The following CECR2 variants were observed in gnomAD, a reference collection of about 807,000 sequenced individuals.
CECR2 encodes chromatin remodeling regulator CECR2.
CECR2 carries 30 observed loss-of-function variants against 154.5 expected under a neutral mutation model. The observed-to-expected ratio is 0.19, with a 90% CI of 0.15 to 0.26. The LOEUF is 0.26. CECR2 is among the 10% of genes least tolerant of loss of function. The pLI is 1.00. For missense variants in CECR2, 1,743 were observed against 1,829.3 expected, an observed-to-expected ratio of 0.95 and a Z score of 0.86; for synonymous variants, 725 against 683.7, an observed-to-expected ratio of 1.06 and a Z score of -0.94.
At position 17,541,832 on chromosome 22, in the gene CECR2, G is replaced by A. The variant is rs1255424681; in HGVS notation, c.1885-7G>A. ...TTCCTCTTCTTGCTTTGTTCAATGT[G>A]CTGCAGAGGCCAGCAGTACCAGGAA... On this transcript the variant is annotated splice_region_variant and splice_polypyrimidine_tract_variant and intron_variant, in intron 14 of 18. Transcript: ENST00000262608. 6.2e-7 allele frequency: 1 copy of A among 1,609,800 alleles called. No individual in the cohort carries two copies. Among genetic ancestry groups the A allele is most frequent in the Non-Finnish European group, 8.5e-7 (1 of 1,177,884 alleles).
chr22:17,426,929 AT>A (rs60164925), intron 1 of CECR2, among the ~76,000 whole-genome samples: 10,170 of 151,922 alleles, frequency 0.067, 933 homozygotes, highest in East Asian at 0.36. Context: ...GGTTTGTTAT[AT>A]AGGTATACAT....
rs1029218990 is a variant in CECR2 at position 17,362,717 on chromosome 22, G to A, written c.-364+2694G>A. Reference sequence around the variant, plus strand: ...AGGAGTTCAAGACCAGCCTGGCCAAGATGGTGAAACCCTGTCTCTATGAAA... The same window carrying A: ...AGGAGTTCAAGACCAGCCTGGCCAAAATGGTGAAACCCTGTCTCTATGAAA... On this transcript the variant is annotated intron_variant, in intron 1 of 18. Coordinates refer to the CECR2 transcript ENST00000400585. Among the ~76,000 whole-genome samples, 3 of 151,762 alleles carry A rather than the reference G, an allele frequency of 2.0e-5. No individual in the cohort carries two copies. In the Admixed American group the frequency reaches 2.0e-4, roughly 10 times the overall value.
intron 7 of CECR2, among the ~76,000 whole-genome samples, chr22:17,510,393 C>A (rs534072973): frequency 6.6e-6 from 1 of 151,962 alleles, no homozygotes; most frequent in African/African-American, 2.4e-5. Flanking sequence ...TTGTTTGAGG[C>A]CAGTAGTTTG....
chr22:17,541,829 T>C lies in CECR2; in HGVS notation c.1885-10T>C, dbSNP rs2056527400. Reference sequence around the variant, plus strand: ...TTTTTCCTCTTCTTGCTTTGTTCAATGTGCTGCAGAGGCCAGCAGTACCAG... The same window carrying C: ...TTTTTCCTCTTCTTGCTTTGTTCAACGTGCTGCAGAGGCCAGCAGTACCAG... On this transcript the variant is annotated splice_polypyrimidine_tract_variant and intron_variant, in intron 14 of 18. Transcript: ENST00000262608. The C allele has an allele frequency of 6.2e-7, 1 of 1,605,094 alleles. No homozygotes were observed. The highest frequency in any genetic ancestry group is 1.3e-5 in the African/African-American group (1 of 74,612).
At position 17,489,099 on chromosome 22, in the gene CECR2, T is replaced by A. The variant is rs150476667; in HGVS notation, c.222-8304T>A. 2.7e-3 allele frequency among the ~76,000 whole-genome samples: 402 copies of A among 149,902 alleles called. 4 individuals carry two copies. Among genetic ancestry groups the A allele is most frequent in the African/African-American group, 9.5e-3 (383 of 40,448 alleles). On this transcript the variant is annotated intron_variant, in intron 2 of 18. Coordinates refer to ENST00000262608, the MANE Select transcript of CECR2 (RefSeq NM_001290047.2). ...GCTGGGATTACAGGCATGCGCCAGC[T>A]AATTTTTTGTATTTAGTAGAGACGG...
intron 16 of CECR2, among the ~76,000 whole-genome samples, chr22:17,543,911 C>A (rs1027224661): frequency 5.3e-5 from 8 of 152,154 alleles, no homozygotes; most frequent in African/African-American, 1.9e-4. Context: ...GCTACTGTTA[C>A]TATCCTTGTT....
intron 1 of CECR2, among the ~76,000 whole-genome samples, chr22:17,450,781 C>T (rs2054756426): frequency 6.6e-6 from 1 of 152,216 alleles, no homozygotes; most frequent in South Asian, 2.1e-4. Flanking sequence ...ATTTTGCCCA[C>T]ACAAAAACCT....
chr22:17,392,366 T>C (rs1272434401), intron 1 of CECR2, among the ~76,000 whole-genome samples: 1 of 152,084 alleles, frequency 6.6e-6, no homozygotes, highest in African/African-American at 2.4e-5. Flanking sequence ...TGCATGCCTG[T>C]AATCCCAGCT....
intron 7 of CECR2, among the ~76,000 whole-genome samples, chr22:17,505,356 C>A (rs931612289): frequency 2.2e-4 from 33 of 151,346 alleles, no homozygotes; most frequent in Non-Finnish European, 1.0e-4. Flanking sequence ...AAAAAAAAAT[C>A]TTGTGGGTTT....
chr22:17,477,317 A>G (rs975315563), intron 1 of CECR2, among the ~76,000 whole-genome samples: 5 of 152,224 alleles, frequency 3.3e-5, no homozygotes, highest in African/African-American at 1.2e-4. Flanking sequence ...TGATTTATCA[A>G]AAAGAGTTAT....
At chr22:17,532,780 C>T (rs1218638906) in intron 9 of CECR2, among the ~76,000 whole-genome samples, 1 of 115,054 alleles carries the variant, frequency 8.7e-6, no homozygotes, top group Admixed American at 1.3e-4. Context: ...TGCAGTGGTG[C>T]GATCTCGGCT....
chr22:17,447,366 G>C (rs1020619164), intron 1 of CECR2, among the ~76,000 whole-genome samples: 3 of 151,860 alleles, frequency 2.0e-5, no homozygotes, highest in Non-Finnish European at 4.4e-5. Context: ...TGTTATCCAG[G>C]ATGGTCTCGA....
At chr22:17,448,884 A>T (rs201678219) in intron 1 of CECR2, among the ~76,000 whole-genome samples, 21 of 148,224 alleles carry the variant, frequency 1.4e-4, no homozygotes, top group South Asian at 8.9e-4. Context: ...TTTATTATTT[A>T]TTTATTTTTT....
At position 17,557,722 on chromosome 22, in the gene CECR2, C is replaced by T. The variant is rs1427819502; in HGVS notation, c.*4882C>T. Reference sequence around the variant, plus strand: ...TTGCATAAGTTATTGAAATGCTGACCCCCGTTCAGGAAACCATGCAGCCCC... The same window carrying T: ...TTGCATAAGTTATTGAAATGCTGACTCCCGTTCAGGAAACCATGCAGCCCC... On this transcript the variant is annotated 3_prime_UTR_variant, in exon 19 of 19. Transcript: ENST00000262608. 2.6e-5 allele frequency: 4 copies of T among 152,202 alleles called. No individual in the cohort carries two copies. The highest frequency in any genetic ancestry group is 2.0e-4 in the Admixed American group (3 of 15,274). The allele number at this position is 152,202 out of a possible 1,614,324, so 9.4% of individuals were successfully genotyped here. A position where few individuals can be genotyped will look rare whatever the true frequency, so the allele number is the denominator to read the frequency against.
chr22:17,525,917 C>G (rs986124016), intron 9 of CECR2, among the ~76,000 whole-genome samples: 2 of 151,948 alleles, frequency 1.3e-5, no homozygotes, highest in South Asian at 2.1e-4. Context: ...CTACAGAAGT[C>G]ACAAATAAAA....
upstream of CECR2, among the ~76,000 whole-genome samples, chr22:17,369,045 G>A (rs1200027163): frequency 3.3e-5 from 5 of 152,098 alleles, no homozygotes; most frequent in Admixed American, 3.3e-4. Context: ...CTCCGGCTCT[G>A]CCCTCGGCAT....
chr22:17,493,900 A>T (rs1246834498), intron 2 of CECR2, among the ~76,000 whole-genome samples: 2 of 152,202 alleles, frequency 1.3e-5, no homozygotes, highest in Admixed American at 1.3e-4. Context: ...TGGTGAAATG[A>T]TACAGATTTC....
At position 17,542,698 on chromosome 22, in the gene CECR2, A is replaced by T; in HGVS notation, c.2555A>T (p.Gln852Leu). 6.2e-7 allele frequency: 1 copy of T among 1,614,024 alleles called. No individual in the cohort carries two copies. The highest frequency in any genetic ancestry group is 1.1e-5 in the South Asian group (1 of 91,074). Residue 852 changes from glutamine to leucine, a missense_variant, in exon 16 of 19, where the codon CAG becomes CTG. Coordinates refer to ENST00000262608, the MANE Select transcript of CECR2 (RefSeq NM_001290047.2). ...PPCKSAGHRL[Q>L]PPPVPAPSSL... ...TGCAAGTCTGCCGGACATCGGTTAC[A>T]GCCACCTCCAGTGCCAGCACCCAGT...
chr22:17,515,161 G>C (rs1029209674), intron 8 of CECR2, among the ~76,000 whole-genome samples: 6 of 152,044 alleles, frequency 3.9e-5, no homozygotes, highest in African/African-American at 1.5e-4. Flanking sequence ...ATGGTAAAAT[G>C]GTAACCCATG....
Sources: allele counts gnomAD v4.1 joint callset (sites outside exome capture counted in the v4.1 genomes callset), GRCh38; gene constraint gnomAD v4.1.1; transcripts MANE v1.5; gene names NCBI Gene and HGNC (gene_info 2026-07-23, HGNC 2026-07-21).